The following LYPD6 variants were observed in gnomAD, a reference collection of about 807,000 sequenced individuals.
LYPD6 encodes ly6/PLAUR domain-containing protein 6.
In LYPD6, 15 loss-of-function variants were observed where a neutral mutation model predicts 22.7. The ratio of observed to expected loss-of-function variants is 0.66; its 90% CI spans 0.44 to 1.02. The LOEUF (loss-of-function observed/expected upper bound fraction) is 1.02, where lower values mean the gene tolerates loss of function less well. Among genes scored for constraint, LYPD6 ranks in the 50% least tolerant of loss-of-function variants. The pLI, the probability that LYPD6 is intolerant of heterozygous loss-of-function variation, is 0.00. For missense variants in LYPD6, 189 were observed against 208.4 expected, an observed-to-expected ratio of 0.91 and a Z score of 0.57; for synonymous variants, 72 against 77.5, an observed-to-expected ratio of 0.93 and a Z score of 0.37.
At chr2:149,372,269 A>G (rs1681827550) in intron 1 of LYPD6, among the ~76,000 whole-genome samples, 1 of 152,180 alleles carries the variant, frequency 6.6e-6, no homozygotes, top group South Asian at 2.1e-4. Context: ...GTAAGACCTT[A>G]CGCCTGATAA....
intron 1 of LYPD6, among the ~76,000 whole-genome samples, chr2:149,428,726 C>A (rs371322826): frequency 6.6e-6 from 1 of 152,168 alleles, no homozygotes; most frequent in African/African-American, 2.4e-5. Context: ...GACCCGTTCC[C>A]GTAAGAAGGG....
At chr2:149,363,154 C>G (rs1010569431) in intron 1 of LYPD6, among the ~76,000 whole-genome samples, 2 of 152,072 alleles carry the variant, frequency 1.3e-5, no homozygotes, top group African/African-American at 4.8e-5. Context: ...TGTTCTGAAC[C>G]CCATCAACAG....
intron 3 of LYPD6, among the ~76,000 whole-genome samples, chr2:149,459,670 G>A (rs1681043702): frequency 6.6e-6 from 1 of 152,180 alleles, no homozygotes; most frequent in Non-Finnish European, 1.5e-5. Flanking sequence ...GGGAGACCAA[G>A]GCAGGTGGAT....
chr2:149,480,160 C>G, the LYPD6 span, among the ~76,000 whole-genome samples: 8 of 152,102 alleles, frequency 5.3e-5, no homozygotes, highest in African/African-American at 1.7e-4. Flanking sequence ...CAGGCATGCA[C>G]CACCACATCT....
At chr2:149,398,860 C>CA (rs1448054195) in intron 1 of LYPD6, among the ~76,000 whole-genome samples, 2 of 151,806 alleles carry the variant, frequency 1.3e-5, no homozygotes, top group African/African-American at 2.4e-5. Flanking sequence ...AATTCCATTG[C>CA]AAAAAATGAA....
At chr2:149,339,168 C>T (rs189775981) in intron 1 of LYPD6, among the ~76,000 whole-genome samples, 24 of 152,218 alleles carry the variant, frequency 1.6e-4, no homozygotes, top group South Asian at 4.1e-4. Flanking sequence ...TTAACTAATC[C>T]GACTCCAAGA....
Position 149,412,979 on chromosome 2 carries a change from T to C in LYPD6, c.-71-24659T>C, listed in dbSNP as rs1682885255. On this transcript the variant is annotated intron_variant, in intron 1 of 4. Transcript: ENST00000334166. Reference sequence around the variant, plus strand: ...ATTTTAAGACCAATCATAGCAACTGTATTTTGCTAGGTTTCTGATATTTAT... The same window carrying C: ...ATTTTAAGACCAATCATAGCAACTGCATTTTGCTAGGTTTCTGATATTTAT... Among the ~76,000 whole-genome samples the C allele has an allele frequency of 4.6e-5, 7 of 152,304 alleles. No individual in the cohort carries two copies. The South Asian group carries it at 1.4e-3, about 32-fold the overall frequency.
At chr2:149,437,904 C>A in intron 2 of LYPD6, 78 bp downstream of exon 2, 1 of 1,517,230 alleles carries the variant, frequency 6.6e-7, no homozygotes, top group South Asian at 1.1e-5. Flanking sequence ...CAGGAAAAGG[C>A]ATCCTTCAGT....
intron 1 of LYPD6, among the ~76,000 whole-genome samples, chr2:149,369,473 C>T (rs554331432): frequency 1.8e-4 from 27 of 152,286 alleles, no homozygotes; most frequent in African/African-American, 4.8e-4. Flanking sequence ...GACTGCCTTT[C>T]GACCTCAACT....
chr2:149,441,952 T>G (rs1371453435), intron 2 of LYPD6, among the ~76,000 whole-genome samples: 2 of 152,180 alleles, frequency 1.3e-5, no homozygotes, highest in Non-Finnish European at 2.9e-5. Context: ...GGGGGCTTGT[T>G]TGTGCCCATG....
chr2:149,366,447 G>C (rs16826916), intron 1 of LYPD6, among the ~76,000 whole-genome samples: 6,926 of 152,218 alleles, frequency 0.046, 535 homozygotes, highest in African/African-American at 0.16. Flanking sequence ...AAATGAGCGA[G>C]AATAAAGAGC....
the LYPD6 span, among the ~76,000 whole-genome samples, chr2:149,483,741 C>G: frequency 2.0e-5 from 3 of 152,138 alleles, no homozygotes; most frequent in East Asian, 3.8e-4. Flanking sequence ...TACATTGCAG[C>G]CCATAAATTA....
At chr2:149,350,631 C>G (rs1018888803) in intron 1 of LYPD6, among the ~76,000 whole-genome samples, 1 of 152,140 alleles carries the variant, frequency 6.6e-6, no homozygotes, top group East Asian at 1.9e-4. Flanking sequence ...TATGTACTTT[C>G]CAATACGTGG....
chr2:149,441,918 T>A (rs564087841), intron 2 of LYPD6, among the ~76,000 whole-genome samples: 1 of 152,296 alleles, frequency 6.6e-6, no homozygotes, highest in Non-Finnish European at 1.5e-5. Flanking sequence ...CTTAATCATG[T>A]ACACCAAAGA....
intron 4 of LYPD6, among the ~76,000 whole-genome samples, 165 bp from the exon 5 acceptor site, chr2:149,470,518 A>G (rs1186764130): frequency 6.6e-6 from 1 of 152,150 alleles, no homozygotes; most frequent in Non-Finnish European, 1.5e-5. Context: ...TGCTTCTAGA[A>G]GAAATATTAT....
chr2:149,352,360 G>A (rs1681374363), intron 1 of LYPD6, among the ~76,000 whole-genome samples: 1 of 152,170 alleles, frequency 6.6e-6, no homozygotes. Flanking sequence ...TATTTATGTA[G>A]AGTACTCTGG....
chr2:149,430,855 G>A (rs1479904886), intron 1 of LYPD6, among the ~76,000 whole-genome samples: 1 of 152,160 alleles, frequency 6.6e-6, no homozygotes, highest in Non-Finnish European at 1.5e-5. Context: ...TTAGGATGTA[G>A]ACTTGTAAAA....
At chr2:149,454,238 A>G (rs1680901833) in intron 3 of LYPD6, among the ~76,000 whole-genome samples, 1 of 152,240 alleles carries the variant, frequency 6.6e-6, no homozygotes, top group Non-Finnish European at 1.5e-5. Flanking sequence ...TACAAAGTGA[A>G]CATGCTGTGT....
intron 3 of LYPD6, 73 bp from the exon 4 acceptor site, chr2:149,468,572 C>A: frequency 1.3e-6 from 2 of 1,511,998 alleles, no homozygotes; most frequent in Non-Finnish European, 9.0e-7. Flanking sequence ...ATAATGCTGA[C>A]ACTCCTGTTA....
Sources: allele counts gnomAD v4.1 joint callset (sites outside exome capture counted in the v4.1 genomes callset), GRCh38; gene constraint gnomAD v4.1.1; transcripts MANE v1.5; gene names NCBI Gene and HGNC (gene_info 2026-07-23, HGNC 2026-07-21).